Variants in SESN1 observed in about 807,000 individuals in gnomAD.
SESN1 encodes the protein sestrin 1, also known as sestrin-1.
A neutral mutation model predicts 59.3 loss-of-function variants in SESN1; 30 were observed. The observed-to-expected ratio is 0.51, with a 90% CI of 0.38 to 0.69. SESN1 has a LOEUF of 0.69. Ranked by LOEUF, SESN1 falls within the 30% of genes least tolerant of loss-of-function variation. The probability of loss-of-function intolerance (pLI) is 0.00; values close to 1 mark genes in which losing one functional copy is unlikely to be tolerated. For synonymous variants in SESN1, 197 were observed against 219.9 expected, an observed-to-expected ratio of 0.90 and a Z score of 0.92; for missense variants, 566 against 673.0, an observed-to-expected ratio of 0.84 and a Z score of 1.76.
rs1445628999 is a variant in SESN1, at chr6:108,986,021, TTG to T, written c.*1521_*1522del. ...CCTACTTCCACACTACCCCATACAT[TTG>T]TAGGCAGGCACTAGATTGAGCTCAA... is the stretch of plus-strand genomic sequence containing the variant. On this transcript the variant is annotated 3_prime_UTR_variant, in exon 10 of 10. Coordinates refer to ENST00000436639, the MANE Select transcript of SESN1 (RefSeq NM_014454.3). 6.6e-6 allele frequency among the ~76,000 whole-genome samples: 1 copy of T among 152,138 alleles called. No individual in the cohort carries two copies. The highest frequency in any genetic ancestry group is 2.4e-5 in the African/African-American group (1 of 41,434).
chr6:109,083,092 T>C (rs534153366), intron 1 of SESN1, among the ~76,000 whole-genome samples: 1 of 152,362 alleles, frequency 6.6e-6, no homozygotes, highest in Admixed American at 6.5e-5. Context: ...TACAGTATAC[T>C]AAAGTTTACA....
At chr6:109,064,604 G>GGAGGA in intron 1 of SESN1, among the ~76,000 whole-genome samples, 1 of 6,600 alleles carries the variant, frequency 1.5e-4, no homozygotes, top group African/African-American at 1.1e-3. Context: ...GGAGGGGAGG[G>GGAGGA]GAGGGGAGGG....
chr6:109,086,080 C>T (rs890811658), intron 1 of SESN1, among the ~76,000 whole-genome samples: 8 of 152,130 alleles, frequency 5.3e-5, no homozygotes, highest in East Asian at 1.9e-4. Context: ...TGTATTAGGC[C>T]GGGCACGGTG....
At chr6:109,072,954 T>A (rs908647382) in intron 1 of SESN1, among the ~76,000 whole-genome samples, 20 of 152,036 alleles carry the variant, frequency 1.3e-4, no homozygotes, top group Non-Finnish European at 1.6e-4. Context: ...TTAGAAAAAA[T>A]TATAAATAGG....
intron 1 of SESN1, among the ~76,000 whole-genome samples, chr6:109,065,825 G>A (rs1780815687): frequency 6.6e-6 from 1 of 151,378 alleles, no homozygotes; most frequent in African/African-American, 2.4e-5. Context: ...TTAAAATATT[G>A]AAATTATTAC....
At chr6:109,071,230 G>A (rs1381232106) in intron 1 of SESN1, among the ~76,000 whole-genome samples, 1 of 152,028 alleles carries the variant, frequency 6.6e-6, no homozygotes, top group Non-Finnish European at 1.5e-5. Context: ...AAATATATAA[G>A]TAAATAACGA....
chr6:109,062,941 G>C (rs144362993), intron 1 of SESN1, among the ~76,000 whole-genome samples: 1 of 152,278 alleles, frequency 6.6e-6, no homozygotes, highest in African/African-American at 2.4e-5. Context: ...AGTGAGGAAA[G>C]TGAAACCATA....
At chr6:108,990,080 T>C (rs1779336079) in intron 8 of SESN1, among the ~76,000 whole-genome samples, 1 of 152,188 alleles carries the variant, frequency 6.6e-6, no homozygotes, top group Admixed American at 6.5e-5. Flanking sequence ...AATAGTTAAC[T>C]AGTAAGCACT....
At chr6:109,054,639 T>C (rs920666514) in intron 1 of SESN1, among the ~76,000 whole-genome samples, 2 of 152,234 alleles carry the variant, frequency 1.3e-5, no homozygotes, top group Non-Finnish European at 2.9e-5. Context: ...AAAAAATTTC[T>C]TCTGTCATTG....
intron 1 of SESN1, chr6:109,009,025 T>G (rs916757493): frequency 2.0e-6 from 2 of 1,011,100 alleles, no homozygotes; most frequent in South Asian, 9.2e-5. Flanking sequence ...TTCTGACTTG[T>G]GGAGACTTGT....
At chr6:109,070,782 T>A (rs1422108756) in intron 1 of SESN1, among the ~76,000 whole-genome samples, 2 of 152,240 alleles carry the variant, frequency 1.3e-5, no homozygotes, top group Non-Finnish European at 2.9e-5. Flanking sequence ...TTTTTCAAAC[T>A]ATAACATTCA....
chr6:109,049,068 G>T (rs2114436903), intron 1 of SESN1, among the ~76,000 whole-genome samples: 1 of 152,208 alleles, frequency 6.6e-6, no homozygotes, highest in African/African-American at 2.4e-5. Flanking sequence ...ATGAATAAAT[G>T]ACAGCTATGA....
Position 109,050,679 on chromosome 6 carries a change from T to G in SESN1, c.279+43116A>C, listed in dbSNP as rs563271147. On this transcript the variant is annotated intron_variant, in intron 1 of 9. Transcript: ENST00000436639. ...TAAATCAATAGACTTACATAATCCTTAGGTCTCTCAGCCTAAAGGCAAAAG... is the reference window on the plus strand; with the variant it reads ...TAAATCAATAGACTTACATAATCCTGAGGTCTCTCAGCCTAAAGGCAAAAG... Among the ~76,000 whole-genome samples, 6 of 152,298 alleles carry G rather than the reference T, an allele frequency of 3.9e-5. No homozygotes were observed. The South Asian group carries it at 1.2e-3, about 32-fold the overall frequency.
Position 108,990,800 on chromosome 6 carries a change from T to C in SESN1, c.1269A>G (p.Val423=). 6.2e-7 allele frequency: 1 copy of C among 1,614,050 alleles called. No individual in the cohort carries two copies. The highest frequency in any genetic ancestry group is 8.5e-7 in the Non-Finnish European group (1 of 1,180,006). ...YCWEDHGYSL[V]NRLYPDVGQL... is the part of the protein sequence containing the mutation. ...GTCCCACATCTGGATAAAGGCGATTTACCAAAGAATAACCATGATCTTCCC... is the reference window on the plus strand; with the variant it reads ...GTCCCACATCTGGATAAAGGCGATTCACCAAAGAATAACCATGATCTTCCC... Residue 423 remains valine (V), a synonymous_variant, in exon 8 of 10, where the codon GTA becomes GTG. Coordinates refer to ENST00000436639, the MANE Select transcript of SESN1 (RefSeq NM_014454.3).
At chr6:109,074,713 C>T (rs1203926383) in intron 1 of SESN1, among the ~76,000 whole-genome samples, 1 of 152,166 alleles carries the variant, frequency 6.6e-6, no homozygotes, top group East Asian at 1.9e-4. Context: ...TTTGACAATG[C>T]TCATTAAAGT....
chr6:109,048,145 T>A (rs1780483064), intron 1 of SESN1, among the ~76,000 whole-genome samples: 1 of 152,084 alleles, frequency 6.6e-6, no homozygotes, highest in Non-Finnish European at 1.5e-5. Context: ...GCTGTCAACA[T>A]TCACTGAAAC....
intron 1 of SESN1, among the ~76,000 whole-genome samples, chr6:109,031,350 C>A (rs571900410): frequency 5.9e-5 from 9 of 152,220 alleles, no homozygotes; most frequent in African/African-American, 1.7e-4. Context: ...AAGCTCAAGG[C>A]AAATTAAATA....
At chr6:109,057,803 C>A (rs1007703853) in intron 1 of SESN1, among the ~76,000 whole-genome samples, 1 of 152,092 alleles carries the variant, frequency 6.6e-6, no homozygotes, top group African/African-American at 2.4e-5. Context: ...TCAGCTACAC[C>A]CCAAAACACA....
intron 1 of SESN1, among the ~76,000 whole-genome samples, chr6:109,070,840 G>A (rs191370264): frequency 1.3e-3 from 199 of 152,302 alleles, no homozygotes; most frequent in African/African-American, 4.6e-3. Flanking sequence ...ACTGGGGTGA[G>A]GCTTGAGATT....
Sources: allele counts gnomAD v4.1 joint callset (sites outside exome capture counted in the v4.1 genomes callset), GRCh38; gene constraint gnomAD v4.1.1; transcripts MANE v1.5; gene names NCBI Gene and HGNC (gene_info 2026-07-23, HGNC 2026-07-21).